The following LEKR1 variants were observed in gnomAD, a reference collection of about 807,000 sequenced individuals.
LEKR1 encodes leucine, glutamate and lysine rich 1.
Under a neutral mutation model 72.4 loss-of-function variants are expected in LEKR1, and 59 were observed. The observed-to-expected ratio is 0.82, with a 90% CI of 0.66 to 1.01. The LOEUF (loss-of-function observed/expected upper bound fraction) is 1.01, where lower values mean the gene tolerates loss of function less well. LEKR1 is among the 50% of genes least tolerant of loss of function. LEKR1 has a pLI of 0.00. For synonymous variants in LEKR1, 257 were observed against 263.2 expected, an observed-to-expected ratio of 0.98 and a Z score of 0.23; for missense variants, 728 against 759.2, an observed-to-expected ratio of 0.96 and a Z score of 0.48.
chr3:156,954,479 T>C (rs11928091), intron 6 of LEKR1, among the ~76,000 whole-genome samples: 13 of 152,088 alleles, frequency 8.5e-5, no homozygotes, highest in Admixed American at 7.2e-4. Context: ...TCTAGGGTTT[T>C]TATAGCTTTG....
Position 156,992,730 on chromosome 3 carries a change from A to T in LEKR1, c.905A>T (p.Gln302Leu). 2.3e-6 allele frequency: 2 copies of T among 873,512 alleles called. No individual in the cohort carries two copies. Among genetic ancestry groups the T allele is most frequent in the Non-Finnish European group, 2.9e-6 (2 of 681,468 alleles). The allele number at this position is 873,512 out of a possible 1,614,324, so 54.1% of individuals were successfully genotyped here. A position where few individuals can be genotyped will look rare whatever the true frequency, so the allele number is the denominator to read the frequency against. ...TTTGAATCCATTATTTCTGAGTCAC[A>T]GTATGCATTACCAATTTTTAAATTT... is the stretch of plus-strand genomic sequence containing the variant. ...LKFESIISESQHTMLLKEKED... is the reference protein window; with the variant it reads ...LKFESIISESLHTMLLKEKED... The change falls in exon 8 of 13, where the codon CAG (glutamine) becomes CTG (leucine). Residue 302 changes from glutamine to leucine, a missense_variant and splice_region_variant. Coordinates refer to ENST00000356539, the MANE Select transcript of LEKR1 (RefSeq NM_001004316.3).
In LEKR1 at chr3:156,998,514, A is replaced by G. The variant is rs537168381; in HGVS notation, c.1109+5237A>G. ...CTTGGTAAACTCCAAGAAAAAATAC[A>G]GAAAGAGATTTATTGTGATCAATTT... On this transcript the variant is annotated intron_variant, in intron 9 of 12. Coordinates refer to ENST00000356539, the MANE Select transcript of LEKR1 (RefSeq NM_001004316.3). Among the ~76,000 whole-genome samples, 6 of 152,330 alleles carry G rather than the reference A, an allele frequency of 3.9e-5. No homozygotes were observed. The East Asian group carries it at 1.2e-3, about 29-fold the overall frequency.
chr3:157,010,460 A>C (rs1732802967), intron 9 of LEKR1, among the ~76,000 whole-genome samples: 1 of 152,082 alleles, frequency 6.6e-6, no homozygotes, highest in Non-Finnish European at 1.5e-5. Context: ...TTGATGTATA[A>C]AATTTTTGGT....
At chr3:156,968,210 G>A (rs1479132163) in intron 6 of LEKR1, among the ~76,000 whole-genome samples, 2 of 152,190 alleles carry the variant, frequency 1.3e-5, no homozygotes, top group African/African-American at 2.4e-5. Context: ...GGAAGAAACT[G>A]CATCAACTAA....
At chr3:156,895,369 T>G (rs1576763459) in intron 3 of LEKR1, among the ~76,000 whole-genome samples, 1 of 152,138 alleles carries the variant, frequency 6.6e-6, no homozygotes, top group East Asian at 1.9e-4. Context: ...ATCCCAGCAT[T>G]TTGGGAGGCC....
At chr3:156,971,501 G>A (rs1156930919) in intron 6 of LEKR1, among the ~76,000 whole-genome samples, 4 of 152,072 alleles carry the variant, frequency 2.6e-5, no homozygotes, top group South Asian at 2.1e-4. Context: ...GGATCTAATT[G>A]AACTAAAGAG....
chr3:156,845,231 A>G lies in LEKR1; in HGVS notation c.49-7537A>G, dbSNP rs961649428. Among the ~76,000 whole-genome samples, 7 of 151,852 alleles carry G rather than the reference A, an allele frequency of 4.6e-5. No homozygotes were observed. The South Asian group carries it at 1.2e-3, about 27-fold the overall frequency. Reference sequence around the variant, plus strand: ...CTGAATTTTGGAAATTCTTTATATAATCTAGGTACTAGTAAGATACGTGGT... The same window carrying G: ...CTGAATTTTGGAAATTCTTTATATAGTCTAGGTACTAGTAAGATACGTGGT... On this transcript the variant is annotated intron_variant, in intron 2 of 12. Transcript: ENST00000356539.
intron 3 of LEKR1, among the ~76,000 whole-genome samples, chr3:156,906,935 G>T (rs186921645): frequency 1.1e-4 from 17 of 152,138 alleles, no homozygotes; most frequent in Admixed American, 9.2e-4. Context: ...AGCTGGAATG[G>T]GCTTCTATTA....
chr3:156,862,848 G>A, intron 3 of LEKR1, among the ~76,000 whole-genome samples: 1 of 151,966 alleles, frequency 6.6e-6, no homozygotes, highest in Non-Finnish European at 1.5e-5. Context: ...GAGATTTTAT[G>A]GAAAGCATAA....
In LEKR1 at chr3:156,927,459, G is replaced by T; in HGVS notation, c.414G>T (p.Trp138Cys). 2 of 1,148,304 alleles carry T rather than the reference G, an allele frequency of 1.7e-6. No individual in the cohort carries two copies. Among genetic ancestry groups the T allele is most frequent in the Admixed American group, 4.5e-5 (1 of 22,436 alleles). 71.1% of individuals were successfully genotyped at this position (1,148,304 alleles called of 1,614,324 possible). Residue 138 changes from tryptophan to cysteine, a missense_variant, in exon 5 of 13, where the codon TGG becomes TGT. Coordinates refer to ENST00000356539, the MANE Select transcript of LEKR1 (RefSeq NM_001004316.3). ...GATTGTCAGAGTACAAATATTTCTGGAATAAGACTCTTTCATTACTTACTT... is the reference window on the plus strand; with the variant it reads ...GATTGTCAGAGTACAAATATTTCTGTAATAAGACTCTTTCATTACTTACTT... ...SQRLSEYKYF[W>C]NKTLSLLTFT...
chr3:156,928,646 C>T (rs1265607466), intron 5 of LEKR1, among the ~76,000 whole-genome samples: 1 of 151,912 alleles, frequency 6.6e-6, no homozygotes, highest in Non-Finnish European at 1.5e-5. Context: ...AAGGGGATAT[C>T]CCAGAGAAGT....
intron 3 of LEKR1, among the ~76,000 whole-genome samples, chr3:156,883,019 G>GCA (rs1230493980): frequency 2.0e-5 from 3 of 149,398 alleles, no homozygotes; most frequent in East Asian, 1.9e-4. Context: ...GGGGGAGGGG[G>GCA]GAGAGATAGC....
chr3:156,881,884 AAAAC>A (rs1293867532), intron 3 of LEKR1, among the ~76,000 whole-genome samples: 1 of 145,708 alleles, frequency 6.9e-6, no homozygotes, highest in Non-Finnish European at 1.5e-5. Flanking sequence ...AAACCTGACA[AAAAC>A]AAGCAATGGG....
At chr3:157,037,261 A>G (rs1735029246) in intron 12 of LEKR1, among the ~76,000 whole-genome samples, 2 of 152,186 alleles carry the variant, frequency 1.3e-5, no homozygotes, top group African/African-American at 4.8e-5. Flanking sequence ...GGGAGGCAGG[A>G]CTTGGAAATG....
intron 2 of LEKR1, among the ~76,000 whole-genome samples, chr3:156,842,433 C>CT (rs1289425467): frequency 2.6e-5 from 4 of 151,590 alleles, no homozygotes; most frequent in Non-Finnish European, 2.9e-5. Context: ...CTGCTGTTTC[C>CT]TTTTTTTTCT....
chr3:156,920,428 A>G, intron 3 of LEKR1, 147 bp from the exon 4 acceptor site: 2 of 520,486 alleles, frequency 3.8e-6, no homozygotes, highest in Non-Finnish European at 6.5e-6. Flanking sequence ...TGGTCTCTCC[A>G]TATTTTTTCT....
At chr3:156,834,849 T>C (rs1421526535) in intron 2 of LEKR1, among the ~76,000 whole-genome samples, 1 of 152,240 alleles carries the variant, frequency 6.6e-6, no homozygotes, top group Non-Finnish European at 1.5e-5. Flanking sequence ...GAAGATGTTT[T>C]TATTTTACCA....
At chr3:156,843,236 A>G (rs1258890387) in intron 2 of LEKR1, among the ~76,000 whole-genome samples, 1 of 152,188 alleles carries the variant, frequency 6.6e-6, no homozygotes, top group South Asian at 2.1e-4. Context: ...ATGAATGTCA[A>G]TCCATTTTAG....
chr3:157,011,562 G>C (rs1732887448), intron 10 of LEKR1, 56 bp downstream of exon 10: 1 of 1,235,594 alleles, frequency 8.1e-7, no homozygotes, highest in Non-Finnish European at 1.2e-6. Flanking sequence ...TAAAAATTCT[G>C]ACCATTTGTC....
Sources: gnomAD v4.1 joint callset for allele counts (sites outside exome capture counted in the v4.1 genomes callset) on GRCh38, gnomAD v4.1.1 for gene constraint, MANE v1.5 for transcripts, NCBI Gene and HGNC (gene_info 2026-07-23, HGNC 2026-07-21) for gene names.